SLC5A9: variants seen among roughly 807,000 people sequenced by gnomAD.
SLC5A9 encodes the protein sodium/glucose cotransporter 4.
A neutral mutation model predicts 70.9 loss-of-function variants in SLC5A9; 59 were observed. The ratio of observed to expected loss-of-function variants is 0.83; its 90% CI spans 0.68 to 1.03. SLC5A9 has a LOEUF of 1.03. Among genes scored for constraint, SLC5A9 ranks in the 50% least tolerant of loss-of-function variants. The pLI is 0.00. For missense variants in SLC5A9, 832 were observed against 881.1 expected, an observed-to-expected ratio of 0.94 and a Z score of 0.71; for synonymous variants, 340 against 346.5, an observed-to-expected ratio of 0.98 and a Z score of 0.21.
Position 48,239,589 on chromosome 1 carries a change from A to G in SLC5A9, c.1677+52A>G, listed in dbSNP as rs758821668. ...CTCCAGAAATGCTCTCCCTTCCCCC[A>G]TAGCCTAGAATTCCACTGCTGACTT... is the stretch of plus-strand genomic sequence containing the variant. On this transcript the variant is annotated intron_variant, in intron 12 of 13. Coordinates refer to ENST00000438567, the MANE Select transcript of SLC5A9 (RefSeq NM_001011547.3). The surrounding 1 kb of genome is among the most constrained non-coding windows in gnomAD (Gnocchi z 4.2). The G allele has an allele frequency of 9.9e-6, 15 of 1,516,246 alleles. No individual in the cohort carries two copies. In the South Asian group the frequency reaches 1.6e-4, roughly 16 times the overall value. 93.9% of individuals were successfully genotyped at this position (1,516,246 alleles called of 1,614,324 possible).
chr1:48,230,646 G>T lies in SLC5A9; in HGVS notation c.551G>T (p.Trp184Leu). The change falls in exon 5 of 14, where the codon TGG (tryptophan) becomes TTG (leucine). Residue 184 changes from tryptophan (W) to leucine (L), a missense_variant. Coordinates refer to ENST00000438567, the MANE Select transcript of SLC5A9 (RefSeq NM_001011547.3). ...GALFIQMALG[W>L]NLYLSTGILL... ...CTCTTCATCCAGATGGCATTGGGCT[G>T]GAACCTGTACCTCTCCACAGGGATC... 6.2e-7 allele frequency: 1 copy of T among 1,614,112 alleles called. No individual in the cohort carries two copies.
intron 9 of SLC5A9, 60 bp from the exon 10 acceptor site, chr1:48,235,669 A>G (rs2148579205): frequency 1.2e-6 from 2 of 1,603,354 alleles, no homozygotes; most frequent in Non-Finnish European, 1.7e-6. Context: ...CAGCCTCTGT[A>G]GTCCTGGAAG....
At chr1:48,245,456 T>A (rs1644450267) in intron 13 of SLC5A9, among the ~76,000 whole-genome samples, 1 of 152,048 alleles carries the variant, frequency 6.6e-6, no homozygotes, top group Admixed American at 6.6e-5. Flanking sequence ...AGGCACCAAG[T>A]CAGCCAAGAA....
intron 13 of SLC5A9, among the ~76,000 whole-genome samples, chr1:48,244,027 T>C (rs948399600): frequency 1.3e-5 from 2 of 152,232 alleles, no homozygotes; most frequent in African/African-American, 4.8e-5. Flanking sequence ...CGTAGTAATA[T>C]TCGGCTTTTA....
chr1:48,239,639 CCT>C lies in SLC5A9; in HGVS notation c.1677+103_1677+104del. ...TTTACTCTGTTGGGTTATGGTCTCC[CCT>C]GTGGCCACACAGATGTCCTTGGGAG... On this transcript the variant is annotated intron_variant, in intron 12 of 13. Coordinates refer to ENST00000438567, the MANE Select transcript of SLC5A9 (RefSeq NM_001011547.3). The surrounding 1 kb of genome is among the most constrained non-coding windows in gnomAD (Gnocchi z 4.2). The C allele has an allele frequency of 1.8e-6, 2 of 1,094,746 alleles. No homozygotes were observed. The highest frequency in any genetic ancestry group is 2.7e-6 in the Non-Finnish European group (2 of 731,310). 67.8% of individuals were successfully genotyped at this position (1,094,746 alleles called of 1,614,324 possible).
intron 9 of SLC5A9, among the ~76,000 whole-genome samples, chr1:48,234,879 C>T (rs1644305457): frequency 6.6e-6 from 1 of 152,000 alleles, no homozygotes; most frequent in East Asian, 1.9e-4. Context: ...GCTGGAAAGA[C>T]AATAACTAAA....
rs980478995 is a variant in SLC5A9 at position 48,239,537 on chromosome 1, G to A, written c.1677G>A (p.Gln559=). The change falls in exon 12 of 14, where the codon CAG becomes CAA. Residue 559 remains glutamine (Q), a splice_region_variant and synonymous_variant. Transcript: ENST00000438567. The surrounding 1 kb of genome is among the most constrained non-coding windows in gnomAD (Gnocchi z 4.2). ...GTACAACTCCCATCCCTGAGGAACA[G>A]GCAAGTGTTGTGCTCATACTGAGGC... is the stretch of plus-strand genomic sequence containing the variant. ...SLCTTPIPEE[Q]LTRLTWWTRN... The A allele has an allele frequency of 6.2e-7, 1 of 1,613,974 alleles. No individual in the cohort carries two copies. The highest frequency in any genetic ancestry group is 8.5e-7 in the Non-Finnish European group (1 of 1,179,836).
At chr1:48,229,627 C>CT in intron 4 of SLC5A9, 168 bp downstream of exon 4, 2 of 1,021,760 alleles carry the variant, frequency 2.0e-6, no homozygotes, top group Non-Finnish European at 2.8e-6. Context: ...CACTGGGGTA[C>CT]TCAGAGATGA....
chr1:48,229,034 C>G (rs1333054538), intron 3 of SLC5A9, 80 bp downstream of exon 3: 12 of 1,613,610 alleles, frequency 7.4e-6, no homozygotes, highest in Non-Finnish European at 9.3e-6. Context: ...TGGGAGGATC[C>G]TTAGAGATGC....
In SLC5A9 at chr1:48,242,588, C is replaced by T; in HGVS notation, c.1809C>T (p.Asn603=). 1 of 1,612,432 alleles carries T rather than the reference C, an allele frequency of 6.2e-7. No homozygotes were observed. ...ECPAGGGAAE[N]SSLGQEQPEA... ...CTGCAGGAGGTGGAGCGGCAGAGAA[C>T]TCGAGCCTGGGCCAGGAGCAGCCTG... Residue 603 remains asparagine, a synonymous_variant, in exon 13 of 14, where the codon AAC becomes AAT. Transcript: ENST00000438567.
chr1:48,239,096 A>C lies in SLC5A9; in HGVS notation c.1462-226A>C, dbSNP rs1469603450. 6.6e-6 allele frequency among the ~76,000 whole-genome samples: 1 copy of C among 152,248 alleles called. No homozygotes were observed. The highest frequency in any genetic ancestry group is 2.4e-5 in the African/African-American group (1 of 41,468). Reference sequence around the variant, plus strand: ...GGTTCAGTCAGTTCACAATGGAGCCAGGATTCAAATCTTAGTCTACCTGAC... The same window carrying C: ...GGTTCAGTCAGTTCACAATGGAGCCCGGATTCAAATCTTAGTCTACCTGAC... On this transcript the variant is annotated intron_variant, in intron 11 of 13. Transcript: ENST00000438567. This position sits in a 1 kb window ranked among gnomAD's most constrained non-coding sequence, Gnocchi z 4.2.
intron 13 of SLC5A9, among the ~76,000 whole-genome samples, chr1:48,243,347 C>T (rs6670286): frequency 0.26 from 39,141 of 151,928 alleles, 5,637 homozygotes; most frequent in Admixed American, 0.35. Flanking sequence ...TCTCCTCGAG[C>T]GGCTGATGGG....
chr1:48,240,652 A>G (rs1644380842), intron 12 of SLC5A9: 1 of 152,074 alleles, frequency 6.6e-6, no homozygotes, highest in Admixed American at 6.6e-5. Flanking sequence ...CGAATCCTCA[A>G]CCTCTTCTCC....
In SLC5A9 at chr1:48,242,607, C is replaced by T. The variant is rs370412840; in HGVS notation, c.1828C>T (p.Gln610Ter). Residue 610 changes from glutamine (Q) to a stop codon, truncating the protein, a stop_gained, in exon 13 of 14, where the codon CAG becomes TAG. Coordinates refer to ENST00000438567, the MANE Select transcript of SLC5A9 (RefSeq NM_001011547.3). LOFTEE classifies it low-confidence loss of function (END_TRUNC). ...AAENSSLGQE[Q>*]PEAPSRSWGK... Reference sequence around the variant, plus strand: ...AGAGAACTCGAGCCTGGGCCAGGAGCAGCCTGAAGGTAGGCTGCGGCAGGC... The same window carrying T: ...AGAGAACTCGAGCCTGGGCCAGGAGTAGCCTGAAGGTAGGCTGCGGCAGGC... The T allele has an allele frequency of 1.1e-5, 17 of 1,610,132 alleles. No individual in the cohort carries two copies. The highest frequency in any genetic ancestry group is 1.9e-4 in the Middle Eastern group (1 of 5,224).
At chr1:48,233,901 A>G in intron 9 of SLC5A9, 139 bp downstream of exon 9, 1 of 663,840 alleles carries the variant, frequency 1.5e-6, no homozygotes, top group Non-Finnish European at 2.8e-6. Context: ...CCCAACACAT[A>G]CACACACGTT....
rs1422364360 is a variant in SLC5A9, at chr1:48,233,556, C to T, written c.1034-99C>T. On this transcript the variant is annotated intron_variant, in intron 8 of 13. Coordinates refer to ENST00000438567, the MANE Select transcript of SLC5A9 (RefSeq NM_001011547.3). Reference sequence around the variant, plus strand: ...TGTAGACATGGGTCCCTGTCAGAGTCTCCAGTGAACATTATCCTGTAGTTT... The same window carrying T: ...TGTAGACATGGGTCCCTGTCAGAGTTTCCAGTGAACATTATCCTGTAGTTT... 4.6e-6 allele frequency: 4 copies of T among 871,524 alleles called. No individual in the cohort carries two copies. In the Admixed American group the frequency reaches 8.0e-5, roughly 17 times the overall value. 54.0% of individuals were successfully genotyped at this position (871,524 alleles called of 1,614,324 possible).
At chr1:48,243,789 A>G (rs1439148043) in intron 13 of SLC5A9, among the ~76,000 whole-genome samples, 1 of 152,238 alleles carries the variant, frequency 6.6e-6, no homozygotes, top group East Asian at 1.9e-4. Context: ...CCAAAAAGTT[A>G]AATAAGTTTG....
Position 48,233,654 on chromosome 1 carries a change from G to A in SLC5A9, c.1034-1G>A. The A allele has an allele frequency of 6.2e-7, 1 of 1,613,604 alleles. No homozygotes were observed. ...TCTAACTGCCATTACTTCTTCCACA[G>A]ACGAGGTGGGCTGCGTGGACCCTGA... On this transcript the variant is annotated splice_acceptor_variant, in intron 8 of 13. Coordinates refer to ENST00000438567, the MANE Select transcript of SLC5A9 (RefSeq NM_001011547.3). LOFTEE classifies it high-confidence loss of function.
chr1:48,224,420 G>C (rs749842074), intron 1 of SLC5A9, among the ~76,000 whole-genome samples: 22 of 152,218 alleles, frequency 1.4e-4, no homozygotes, highest in Non-Finnish European at 2.1e-4. Flanking sequence ...GCACTTTGGG[G>C]AGGGAAGGAT....
Sources: allele counts gnomAD v4.1 joint callset (sites outside exome capture counted in the v4.1 genomes callset), GRCh38; gene constraint gnomAD v4.1.1; non-coding constraint Gnocchi (gnomAD v3.1); transcripts MANE v1.5; gene names NCBI Gene and HGNC (gene_info 2026-07-23, HGNC 2026-07-21).